ROCK2: variants seen among roughly 807,000 people sequenced by gnomAD.
The protein encoded by ROCK2 is Rho associated coiled-coil containing protein kinase 2, also known as rho-associated protein kinase 2.
Under a neutral mutation model 195.1 loss-of-function variants are expected in ROCK2, and 61 were observed. That is an observed-to-expected ratio of 0.31 (90% CI 0.25 to 0.39). ROCK2 has a LOEUF of 0.39. Among genes scored for constraint, ROCK2 ranks in the 10% least tolerant of loss-of-function variants. The pLI, the probability that ROCK2 is intolerant of heterozygous loss-of-function variation, is 1.00. For synonymous variants in ROCK2, 504 were observed against 545.5 expected (o/e 0.92, Z 1.06); for missense variants, 1,109 against 1,637.4 (o/e 0.68, Z 5.57).
At chr2:11,342,217 G>A (rs572451618) in intron 1 of ROCK2, among the ~76,000 whole-genome samples, 11 of 152,264 alleles carry the variant, frequency 7.2e-5, no homozygotes, top group Non-Finnish European at 1.0e-4. Flanking sequence ...CAATAACAGA[G>A]TCTGTCAAGT....
chr2:11,189,561 A>G (rs1332395231), intron 32 of ROCK2, among the ~76,000 whole-genome samples: 4 of 152,242 alleles, frequency 2.6e-5, no homozygotes, highest in South Asian at 2.1e-4. Context: ...TAATGTCTTT[A>G]GAGAACAAAA....
intron 4 of ROCK2, among the ~76,000 whole-genome samples, chr2:11,244,284 C>A (rs940747710): frequency 1.8e-4 from 28 of 152,074 alleles, no homozygotes; most frequent in Admixed American, 1.1e-3. Context: ...GGTTGCAAAG[C>A]CTAAATATTT....
At chr2:11,307,645 C>T (rs1288970949) in intron 1 of ROCK2, among the ~76,000 whole-genome samples, 1 of 152,108 alleles carries the variant, frequency 6.6e-6, no homozygotes, top group Non-Finnish European at 1.5e-5. Flanking sequence ...TTCTAAATAA[C>T]AAATATATCT....
rs144858346 is a variant in ROCK2 at position 11,332,632 on chromosome 2, T to G, written c.141+11364A>C. Among the ~76,000 whole-genome samples, 7 of 152,362 alleles carry G rather than the reference T, an allele frequency of 4.6e-5. No individual in the cohort carries two copies. In the East Asian group the frequency reaches 1.2e-3, roughly 25 times the overall value. Reference sequence around the variant, plus strand: ...TAATATGGAGAAACTGGAACCCTTATACATTTCTAGTGAGAATGTAAAATG... The same window carrying G: ...TAATATGGAGAAACTGGAACCCTTAGACATTTCTAGTGAGAATGTAAAATG... On this transcript the variant is annotated intron_variant, in intron 1 of 32. Coordinates refer to ENST00000315872, the MANE Select transcript of ROCK2 (RefSeq NM_004850.5).
chr2:11,210,650 C>CT (rs1354861327), intron 18 of ROCK2, among the ~76,000 whole-genome samples: 2 of 152,082 alleles, frequency 1.3e-5, no homozygotes, highest in African/African-American at 4.8e-5. Flanking sequence ...CTGATATATT[C>CT]TTTATCTTGT....
intron 4 of ROCK2, among the ~76,000 whole-genome samples, chr2:11,238,159 G>C (rs1412813184): frequency 6.7e-6 from 1 of 149,880 alleles, no homozygotes; most frequent in Non-Finnish European, 1.5e-5. Context: ...AGGATGAAGA[G>C]AAGGAAGAAA....
intron 1 of ROCK2, among the ~76,000 whole-genome samples, chr2:11,301,260 T>C (rs1256219384): frequency 6.6e-6 from 1 of 152,154 alleles, no homozygotes; most frequent in Non-Finnish European, 1.5e-5. Flanking sequence ...AAATAAAATA[T>C]ATTTGGAGAT....
intron 13 of ROCK2, among the ~76,000 whole-genome samples, 162 bp downstream of exon 13, chr2:11,215,996 T>C (rs1349490425): frequency 6.6e-6 from 1 of 152,206 alleles, no homozygotes; most frequent in Non-Finnish European, 1.5e-5. Context: ...GAATGAAGCC[T>C]ATTTATAACA....
intron 20 of ROCK2, among the ~76,000 whole-genome samples, 179 bp from the exon 21 acceptor site, chr2:11,202,300 G>A (rs554244437): frequency 9.9e-5 from 15 of 151,850 alleles, no homozygotes; most frequent in African/African-American, 3.4e-4. Flanking sequence ...TCATTCCCTC[G>A]TTATATACCG....
At chr2:11,308,414 G>A in intron 1 of ROCK2, 5 of 1,602,870 alleles carry the variant, frequency 3.1e-6, no homozygotes, top group Non-Finnish European at 4.3e-6. Flanking sequence ...TTTGGAATCT[G>A]AAGAAGATGA....
In ROCK2 at chr2:11,194,946, A is replaced by G; in HGVS notation, c.3519+9T>C. The G allele has an allele frequency of 6.6e-6, 10 of 1,511,700 alleles. No individual in the cohort carries two copies. The highest frequency in any genetic ancestry group is 9.0e-6 in the Non-Finnish European group (10 of 1,108,256). 93.6% of individuals were successfully genotyped at this position (1,511,700 alleles called of 1,614,324 possible). A position where few individuals can be genotyped will look rare whatever the true frequency, so the allele number is the denominator to read the frequency against. The stretch of plus-strand genomic sequence containing the variant: ...AAACAAAAGGCTCATATTCCAAAGT[A>G]TCAATTACCTTTTTAACCCATCCAA... On this transcript the variant is annotated intron_variant, in intron 28 of 32. Coordinates refer to ENST00000315872, the MANE Select transcript of ROCK2 (RefSeq NM_004850.5).
chr2:11,221,288 T>C lies in ROCK2; in HGVS notation c.1169A>G (p.Asp390Gly). 6.3e-7 allele frequency: 1 copy of C among 1,593,506 alleles called. No homozygotes were observed. Among genetic ancestry groups the C allele is most frequent in the Non-Finnish European group, 8.5e-7 (1 of 1,172,166 alleles). The change falls in exon 9 of 33, where the codon GAC becomes GGC. Residue 390 changes from aspartate (D) to glycine (G), a missense_variant. By Grantham distance (94) the Asp-to-Gly change is moderately conservative. Around this residue, in one of 6 missense-constraint regions of ROCK2, gnomAD observed 253 missense variants for 455.5 expected, o/e 0.56. Transcript: ENST00000315872. ...DSSNFDDIED[D>G]KGDVETFPIP... ...TGGGAAGGTTTCTACATCTCCTTTG[T>C]CATCTTCAATGTCATCGAAATTGCT...
intron 3 of ROCK2, among the ~76,000 whole-genome samples, chr2:11,282,281 G>A (rs1002737459): frequency 6.6e-6 from 1 of 152,102 alleles, no homozygotes; most frequent in Non-Finnish European, 1.5e-5. Flanking sequence ...GGCCCAGGAG[G>A]CAGAGGTTGC....
In ROCK2 at chr2:11,235,572, CT is replaced by C. The variant is rs1665174778; in HGVS notation, c.723+129del. 1.1e-6 allele frequency: 1 copy of C among 886,488 alleles called. No individual in the cohort carries two copies. The highest frequency in any genetic ancestry group is 2.8e-5 in the Admixed American group (1 of 35,788). 54.9% of individuals were successfully genotyped at this position (886,488 alleles called of 1,614,324 possible). On this transcript the variant is annotated intron_variant, in intron 5 of 32. Transcript: ENST00000315872. The surrounding 1 kb of genome is among the most constrained non-coding windows in gnomAD (Gnocchi z 4.2). ...AGGAAATGTTTTAAGTTGGTTATAT[CT>C]TGTTTGGGTGCTATACAGTTATGAA...
chr2:11,282,631 C>T (rs1170215688), intron 3 of ROCK2, among the ~76,000 whole-genome samples: 1 of 113,754 alleles, frequency 8.8e-6, no homozygotes, highest in Non-Finnish European at 1.8e-5. Flanking sequence ...AGAATCAAGA[C>T]CAGACCTTAT....
intron 1 of ROCK2, among the ~76,000 whole-genome samples, chr2:11,314,304 T>C (rs562225261): frequency 2.3e-5 from 3 of 129,840 alleles, no homozygotes; most frequent in Non-Finnish European, 5.5e-5. Flanking sequence ...CAATTTTGAC[T>C]GACATACGTC....
At position 11,194,248 on chromosome 2, in the gene ROCK2, A is replaced by G; in HGVS notation, c.3608+8T>C. On this transcript the variant is annotated splice_region_variant and intron_variant, in intron 29 of 32. Coordinates refer to ENST00000315872, the MANE Select transcript of ROCK2 (RefSeq NM_004850.5). Reference sequence around the variant, plus strand: ...ATAGTTTCTAAATATTCTAACAAAAACACTTACTCTATATCTAAAACCATG... The same window carrying G: ...ATAGTTTCTAAATATTCTAACAAAAGCACTTACTCTATATCTAAAACCATG... 8.1e-7 allele frequency: 1 copy of G among 1,235,824 alleles called. No individual in the cohort carries two copies. The highest frequency in any genetic ancestry group is 1.1e-6 in the Non-Finnish European group (1 of 894,306). 76.6% of individuals were successfully genotyped at this position (1,235,824 alleles called of 1,614,324 possible). A position where few individuals can be genotyped will look rare whatever the true frequency, so the allele number is the denominator to read the frequency against.
Position 11,211,677 on chromosome 2 carries a change from A to G in ROCK2, c.2203+4T>C, listed in dbSNP as rs756150175. 3.1e-6 allele frequency: 5 copies of G among 1,591,004 alleles called. No homozygotes were observed. Among genetic ancestry groups the G allele is most frequent in the Non-Finnish European group, 4.3e-6 (5 of 1,170,180 alleles). On this transcript the variant is annotated splice_donor_region_variant and intron_variant, in intron 18 of 32. Transcript: ENST00000315872. Reference sequence around the variant, plus strand: ...CTGGAAAACCCTCTTTAAAAAATGCATACCTTTCATGGCTTCTGATTTGGC... The same window carrying G: ...CTGGAAAACCCTCTTTAAAAAATGCGTACCTTTCATGGCTTCTGATTTGGC...
At chr2:11,216,321 C>T (rs1301440510) in intron 12 of ROCK2, 115 bp from the exon 13 acceptor site, 11 of 777,266 alleles carry the variant, frequency 1.4e-5, no homozygotes, top group Admixed American at 4.6e-5. Flanking sequence ...TTTTCTGAGA[C>T]GAAGTCTTGC....
Sources: gnomAD v4.1 joint callset for allele counts (sites outside exome capture counted in the v4.1 genomes callset) on GRCh38, gnomAD v4.1.1 for gene constraint, gnomAD v4.1.1 regional missense constraint, Gnocchi (gnomAD v3.1) non-coding constraint, MANE v1.5 for transcripts, NCBI Gene and HGNC (gene_info 2026-07-23, HGNC 2026-07-21) for gene names.